DUSP22: variants seen among roughly 807,000 people sequenced by gnomAD.
DUSP22 encodes dual specificity protein phosphatase 22.
A neutral mutation model predicts 24.5 loss-of-function variants in DUSP22; 24 were observed. That is an observed-to-expected ratio of 0.98 (90% CI 0.71 to 1.38). The LOEUF is 1.38. DUSP22 is among the 40% of genes most tolerant of loss of function. DUSP22 has a pLI of 0.00. For synonymous variants in DUSP22, 160 were observed against 106.4 expected (o/e 1.50, Z -3.10); for missense variants, 330 against 269.2 (o/e 1.23, Z -1.58).
At position 348,915 on chromosome 6, in the gene DUSP22, T is replaced by C. The variant is rs1453130110; in HGVS notation, c.582T>C (p.Ala194=). The change falls in exon 7 of 7, where the codon GCT becomes GCC. Residue 194 remains alanine, a synonymous_variant. Transcript: ENST00000419235. ...ARRWSSFPAL[A]PLTYDNYTTE... ...GGTGGAGCAGTTTTCCGGCACTGGC[T>C]CCGCTGACCTACGATAATTATACGA... 1.9e-6 allele frequency: 3 copies of C among 1,612,506 alleles called. No homozygotes were observed. Among genetic ancestry groups the C allele is most frequent in the Non-Finnish European group, 2.5e-6 (3 of 1,179,098 alleles).
intron 5 of DUSP22, among the ~76,000 whole-genome samples, chr6:346,915 T>C (rs1759908815): frequency 6.6e-6 from 1 of 152,302 alleles, no homozygotes; most frequent in Admixed American, 6.5e-5. Context: ...TGAGGGCCGA[T>C]AGGGACGACA....
At chr6:312,420 G>T (rs571135617) in intron 3 of DUSP22, among the ~76,000 whole-genome samples, 2 of 152,406 alleles carry the variant, frequency 1.3e-5, no homozygotes, top group African/African-American at 4.8e-5. Flanking sequence ...TCCCAGGGCC[G>T]CTCTAATGTG....
intron 2 of DUSP22, among the ~76,000 whole-genome samples, chr6:309,222 CTATT>C (rs1320177360): frequency 6.6e-5 from 10 of 152,412 alleles, no homozygotes; most frequent in Admixed American, 3.3e-4. Context: ...TTTGAGGTAA[CTATT>C]TATTTAGCTC....
chr6:298,405 G>A (rs1196818263), intron 1 of DUSP22, among the ~76,000 whole-genome samples: 13 of 152,286 alleles, frequency 8.5e-5, no homozygotes, highest in African/African-American at 2.4e-4. Flanking sequence ...CCCCACACAT[G>A]GCCTTGGGCA....
At chr6:333,117 C>G (rs1404331187) in intron 3 of DUSP22, among the ~76,000 whole-genome samples, 1 of 152,302 alleles carries the variant, frequency 6.6e-6, no homozygotes, top group Admixed American at 6.5e-5. Flanking sequence ...TGTAATACCA[C>G]TCTAGGTTTG....
At chr6:294,161 C>T (rs1273659575) in intron 1 of DUSP22, among the ~76,000 whole-genome samples, 3 of 152,282 alleles carry the variant, frequency 2.0e-5, no homozygotes, top group African/African-American at 7.2e-5. Flanking sequence ...TGCTTTTCAA[C>T]AAAAGCAGTA....
chr6:347,009 C>T (rs1759915567), intron 5 of DUSP22, among the ~76,000 whole-genome samples: 1 of 152,310 alleles, frequency 6.6e-6, no homozygotes, highest in African/African-American at 2.4e-5. Context: ...TTTTTCATCT[C>T]ACTTTTTTAA....
intron 4 of DUSP22, among the ~76,000 whole-genome samples, chr6:337,506 G>T (rs1291833982): frequency 6.6e-6 from 1 of 152,308 alleles, no homozygotes; most frequent in East Asian, 1.9e-4. Context: ...GGACAGGGGA[G>T]ACAGAGATAT....
intron 3 of DUSP22, among the ~76,000 whole-genome samples, chr6:319,413 A>G (rs1758487310): frequency 6.6e-6 from 1 of 152,308 alleles, no homozygotes; most frequent in African/African-American, 2.4e-5. Context: ...AAAGTATGTC[A>G]TCCACTTTAT....
chr6:326,160 T>A (rs1344590292), intron 3 of DUSP22: 1 of 250,788 alleles, frequency 4.0e-6, no homozygotes, highest in Non-Finnish European at 7.5e-6. Context: ...TGTGTCCTGG[T>A]GTGTGCAGTG....
chr6:325,605 C>A, intron 3 of DUSP22: 1 of 203,074 alleles, frequency 4.9e-6, no homozygotes, highest in Non-Finnish European at 9.3e-6. Context: ...CTGGTGTGTG[C>A]AATGCTGTAT....
chr6:330,857 A>G (rs1759109269), intron 3 of DUSP22, among the ~76,000 whole-genome samples: 1 of 152,288 alleles, frequency 6.6e-6, no homozygotes, highest in Non-Finnish European at 1.5e-5. Context: ...CATCTTCCAA[A>G]TTTTTACATC....
At chr6:336,436 G>T (rs1276719069) in intron 4 of DUSP22, among the ~76,000 whole-genome samples, 2 of 152,298 alleles carry the variant, frequency 1.3e-5, no homozygotes, top group Non-Finnish European at 2.9e-5. Flanking sequence ...AGGACCCTAG[G>T]TGTGCCACCA....
In DUSP22 at chr6:348,188, A is replaced by G. The variant is rs1022622662; in HGVS notation, c.349A>G (p.Thr117Ala). 10 of 1,614,184 alleles carry G rather than the reference A, an allele frequency of 6.2e-6. No homozygotes were observed. Among genetic ancestry groups the G allele is most frequent in the Non-Finnish European group, 8.5e-6 (10 of 1,180,060 alleles). Residue 117 changes from threonine (T) to alanine (A), a missense_variant, in exon 6 of 7, where the codon ACC (threonine) becomes GCC (alanine). Transcript: ENST00000419235. Reference sequence around the variant, plus strand: ...CTTTGGCTGGGAGGATGCCCTGCACACCGTGCGTGCTGGGAGATCCTGTGC... The same window carrying G: ...CTTTGGCTGGGAGGATGCCCTGCACGCCGTGCGTGCTGGGAGATCCTGTGC... The part of the protein sequence containing the change: ...TDFGWEDALH[T>A]VRAGRSCANP...
chr6:314,405 G>C (rs1455937064), intron 3 of DUSP22, among the ~76,000 whole-genome samples: 1 of 152,306 alleles, frequency 6.6e-6, no homozygotes, highest in Non-Finnish European at 1.5e-5. Flanking sequence ...TGCGAGCCCT[G>C]CTGCTGTGAA....
chr6:294,460 T>C (rs1757236916), intron 1 of DUSP22, among the ~76,000 whole-genome samples: 1 of 152,292 alleles, frequency 6.6e-6, no homozygotes, highest in Non-Finnish European at 1.5e-5. Flanking sequence ...GCTATATATG[T>C]AACTTAAAAT....
At chr6:297,380 C>T (rs1203636532) in intron 1 of DUSP22, among the ~76,000 whole-genome samples, 3 of 152,296 alleles carry the variant, frequency 2.0e-5, no homozygotes, top group Admixed American at 1.3e-4. Context: ...ATGTGACTGA[C>T]ACTTGTTTGA....
At chr6:314,040 T>C (rs1474378908) in intron 3 of DUSP22, among the ~76,000 whole-genome samples, 1 of 152,292 alleles carries the variant, frequency 6.6e-6, no homozygotes, top group Non-Finnish European at 1.5e-5. Context: ...GTGTTTGGAG[T>C]CGGTGGGGAA....
intron 3 of DUSP22, among the ~76,000 whole-genome samples, chr6:324,757 T>G (rs993847335): frequency 6.6e-6 from 1 of 152,294 alleles, no homozygotes; most frequent in African/African-American, 2.4e-5. Context: ...TCCGTGCTGT[T>G]TAGAAAGGGC....
Sources: gnomAD v4.1 joint callset for allele counts (sites outside exome capture counted in the v4.1 genomes callset) on GRCh38, gnomAD v4.1.1 for gene constraint, MANE v1.5 for transcripts, NCBI Gene and HGNC (gene_info 2026-07-23, HGNC 2026-07-21) for gene names.